PCDHGA1: variants seen among roughly 807,000 people sequenced by gnomAD.
PCDHGA1 encodes the protein protocadherin gamma-A1.
In PCDHGA1, 32 loss-of-function variants were observed where a neutral mutation model predicts 58.0. That is an observed-to-expected ratio of 0.55 (90% confidence interval 0.42 to 0.74). PCDHGA1 has a LOEUF of 0.74. Among genes scored for constraint, PCDHGA1 ranks in the 30% least tolerant of loss-of-function variants. The pLI is 0.00. For synonymous variants in PCDHGA1, 498 were observed against 501.1 expected (o/e 0.99, Z 0.08); for missense variants, 1,205 against 1,182.3 (o/e 1.02, Z -0.28).
intron 1 of PCDHGA1, chr5:141,399,854 G>T (rs747617678): frequency 6.2e-7 from 1 of 1,612,904 alleles, no homozygotes; most frequent in Non-Finnish European, 8.5e-7. Flanking sequence ...ATGGTGCCGC[G>T]CGCTGCAGAG....
In PCDHGA1 at chr5:141,510,950, C is replaced by T. The variant is rs770587030; in HGVS notation, c.2573C>T (p.Ala858Val). 1.2e-6 allele frequency: 2 copies of T among 1,614,126 alleles called. No homozygotes were observed. The highest frequency in any genetic ancestry group is 2.2e-5 in the South Asian group (2 of 91,078). ...QAMILASASE[A>V]ADGSSTLGGG... Reference sequence around the variant, plus strand: ...TGATCTTCCTCTGTCTCTGCAGAAGCTGCTGATGGGAGCTCCACCCTGGGA... The same window carrying T: ...TGATCTTCCTCTGTCTCTGCAGAAGTTGCTGATGGGAGCTCCACCCTGGGA... The change falls in exon 4 of 4, where the codon GCT (alanine) becomes GTT (valine). Residue 858 changes from alanine (A) to valine (V), a missense_variant. Physicochemically the swap from Ala to Val is moderately conservative, Grantham distance 64. Transcript: ENST00000517417.
Position 141,361,130 on chromosome 5 carries a change from GT to G in PCDHGA1, c.2421+28026del, listed in dbSNP as rs780553353. On this transcript the variant is annotated intron_variant, in intron 1 of 3. Coordinates refer to ENST00000517417, the MANE Select transcript of PCDHGA1 (RefSeq NM_018912.3). ...CCTGGAGATCTAGCAGCCCACTGCA[GT>G]ATCCAAGTTGAAATTCTTGATGACA... The G allele has an allele frequency of 1.2e-4, 192 of 1,613,888 alleles. 1 individual carries two copies. The Admixed American group carries it at 3.2e-3, about 27-fold the overall frequency.
chr5:141,477,258 C>A lies in PCDHGA1; in HGVS notation c.2422-17549C>A. ...TTGCTCAGTGTGACTGACCTGGATG[C>A]TGGCGAGAACGGGCTGGTGACCTGC... On this transcript the variant is annotated intron_variant, in intron 1 of 3. Coordinates refer to ENST00000517417, the MANE Select transcript of PCDHGA1 (RefSeq NM_018912.3). The surrounding 1 kb of genome is among the most constrained non-coding windows in gnomAD (Gnocchi z 4.9). 6.2e-7 allele frequency: 1 copy of A among 1,614,208 alleles called. No homozygotes were observed. Among genetic ancestry groups the A allele is most frequent in the Non-Finnish European group, 8.5e-7 (1 of 1,180,042 alleles).
chr5:141,457,806 G>A (rs1321207711), intron 1 of PCDHGA1, among the ~76,000 whole-genome samples: 1 of 152,150 alleles, frequency 6.6e-6, no homozygotes, highest in Non-Finnish European at 1.5e-5. Context: ...CTCCTCTTGA[G>A]GTCCCAAGAT....
At chr5:141,345,822 G>A in intron 1 of PCDHGA1, 7 of 1,613,726 alleles carry the variant, frequency 4.3e-6, no homozygotes, top group Non-Finnish European at 5.9e-6. Context: ...GGTGGACAGA[G>A]ACTCGGGCCA....
At chr5:141,361,450 A>T in intron 1 of PCDHGA1, 1 of 1,613,960 alleles carries the variant, frequency 6.2e-7, no homozygotes, top group East Asian at 2.2e-5. Flanking sequence ...CATAATTGTC[A>T]CCCTGCACAT....
intron 1 of PCDHGA1, chr5:141,355,944 C>A: frequency 6.2e-7 from 1 of 1,613,864 alleles, no homozygotes; most frequent in Non-Finnish European, 8.5e-7. Context: ...CCGAGTACCA[C>A]GTAAGTGTTC....
intron 1 of PCDHGA1, chr5:141,387,791 A>G: frequency 4.0e-6 from 6 of 1,492,120 alleles, no homozygotes; most frequent in Non-Finnish European, 4.5e-6. Flanking sequence ...AACTGCAACT[A>G]AAGTCCGTTC....
In PCDHGA1 at chr5:141,490,795, C is replaced by A; in HGVS notation, c.2422-4012C>A. The A allele has an allele frequency of 1.3e-5, 21 of 1,614,036 alleles. No homozygotes were observed. Among genetic ancestry groups the A allele is most frequent in the Non-Finnish European group, 1.8e-5 (21 of 1,179,922 alleles). On this transcript the variant is annotated intron_variant, in intron 1 of 3. Coordinates refer to ENST00000517417, the MANE Select transcript of PCDHGA1 (RefSeq NM_018912.3). This position sits in a 1 kb window ranked among gnomAD's most constrained non-coding sequence, Gnocchi z 5.4. ...CCCAGAGGATGGACGGATCTTTGCC[C>A]AGCGTACCTTTGACTATGAATTGCT...
rs367651596 is a variant in PCDHGA1, at chr5:141,393,468, A to G, written c.2421+60363A>G. 1.1e-5 allele frequency: 18 copies of G among 1,613,922 alleles called. No individual in the cohort carries two copies. The highest frequency in any genetic ancestry group is 8.0e-5 in the African/African-American group (6 of 74,958). ...GGTCCTCACGGCCTCGGATGGCGGC[A>G]AGCCGCCTCGCTCTAGCACAGTGCG... On this transcript the variant is annotated intron_variant, in intron 1 of 3. Coordinates refer to ENST00000517417, the MANE Select transcript of PCDHGA1 (RefSeq NM_018912.3).
Position 141,511,126 on chromosome 5 carries a change from G to A in PCDHGA1, c.2749G>A (p.Gly917Ser). The A allele has an allele frequency of 1.9e-6, 3 of 1,614,212 alleles. No individual in the cohort carries two copies. The highest frequency in any genetic ancestry group is 2.2e-5 in the South Asian group (2 of 91,086). The change falls in exon 4 of 4, where the codon GGT becomes AGT. Residue 917 changes from glycine to serine, a missense_variant. Coordinates refer to ENST00000517417, the MANE Select transcript of PCDHGA1 (RefSeq NM_018912.3). ...AGKRDGKAPA[G>S]GNGNKKKSGK... ...CAAGCGGGATGGCAAGGCCCCAGCA[G>A]GTGGCAATGGCAACAAGAAGAAGTC...
At chr5:141,338,624 C>G (rs1756766815) in intron 1 of PCDHGA1, 1 of 192,742 alleles carries the variant, frequency 5.2e-6, no homozygotes, top group East Asian at 1.4e-4. Context: ...CTGTAAGATT[C>G]TTTAAAGCGC....
rs763097687 is a variant in PCDHGA1 at position 141,489,361 on chromosome 5, C to G, written c.2422-5446C>G. On this transcript the variant is annotated intron_variant, in intron 1 of 3. Transcript: ENST00000517417. This position sits in a 1 kb window ranked among gnomAD's most constrained non-coding sequence, Gnocchi z 4.5. Reference sequence around the variant, plus strand: ...TTACTCAGTGGTGGAGGAGTCTGAGCCGGGGACGCTGGTGGGGAATGTTGC... The same window carrying G: ...TTACTCAGTGGTGGAGGAGTCTGAGGCGGGGACGCTGGTGGGGAATGTTGC... 6.2e-7 allele frequency: 1 copy of G among 1,612,762 alleles called. No homozygotes were observed. Among genetic ancestry groups the G allele is most frequent in the African/African-American group, 1.3e-5 (1 of 74,874 alleles).
At position 141,352,484 on chromosome 5, in the gene PCDHGA1, G is replaced by A. The variant is rs769609031; in HGVS notation, c.2421+19379G>A. 2.7e-5 allele frequency: 44 copies of A among 1,613,872 alleles called. No homozygotes were observed. The highest frequency in any genetic ancestry group is 1.8e-4 in the Admixed American group (11 of 60,004). On this transcript the variant is annotated intron_variant, in intron 1 of 3. Transcript: ENST00000517417. ...CGGGGTTCCTCCCAACCACAGCGAG[G>A]GGACTTTGCCCTATTCCTACAATCT...
chr5:141,423,299 C>T (rs1225422770), intron 1 of PCDHGA1: 2 of 1,614,128 alleles, frequency 1.2e-6, no homozygotes, highest in Non-Finnish European at 1.7e-6. Context: ...TCAGACCTCT[C>T]GCTGTACTTG....
chr5:141,433,634 G>T (rs2097636752), intron 1 of PCDHGA1, among the ~76,000 whole-genome samples: 1 of 152,078 alleles, frequency 6.6e-6, no homozygotes, highest in Admixed American at 6.5e-5. Flanking sequence ...TTGGGAGTTT[G>T]AGACCAGCCT....
intron 1 of PCDHGA1, among the ~76,000 whole-genome samples, chr5:141,443,122 A>C (rs1239492679): frequency 6.6e-6 from 1 of 152,138 alleles, no homozygotes; most frequent in East Asian, 1.9e-4. Flanking sequence ...TTCAAACCAG[A>C]TTAAGAACAC....
intron 1 of PCDHGA1, chr5:141,374,178 G>T: frequency 1.9e-6 from 3 of 1,613,614 alleles, no homozygotes; most frequent in Non-Finnish European, 2.5e-6. Flanking sequence ...GCGCAGATCC[G>T]CTACTCTATT....
At chr5:141,393,248 C>T (rs1242966092) in intron 1 of PCDHGA1, 2 of 1,613,798 alleles carry the variant, frequency 1.2e-6, no homozygotes, top group Middle Eastern at 1.7e-4. Context: ...TTAACGAAAT[C>T]GCGGTTCCTG....
Sources: allele counts gnomAD v4.1 joint callset (sites outside exome capture counted in the v4.1 genomes callset), GRCh38; gene constraint gnomAD v4.1.1; non-coding constraint Gnocchi (gnomAD v3.1); transcripts MANE v1.5; gene names NCBI Gene and HGNC (gene_info 2026-07-23, HGNC 2026-07-21).